ATRNL1: variants seen among roughly 807,000 people sequenced by gnomAD.
ATRNL1 encodes the protein attractin like 1.
ATRNL1 carries 95 observed loss-of-function variants against 182.7 expected under a neutral mutation model. The ratio of observed to expected loss-of-function variants is 0.52; its 90% CI spans 0.44 to 0.62. ATRNL1 has a LOEUF of 0.62. ATRNL1 is among the 20% of genes least tolerant of loss of function. The probability of loss-of-function intolerance (pLI) is 0.00; values close to 1 mark genes in which losing one functional copy is unlikely to be tolerated. For synonymous variants in ATRNL1, 576 were observed against 568.3 expected, an observed-to-expected ratio of 1.01 and a Z score of -0.19; for missense variants, 1,471 against 1,679.5, an observed-to-expected ratio of 0.88 and a Z score of 2.17.
chr10:115,769,279 A>G (rs1555075765), intron 27 of ATRNL1, among the ~76,000 whole-genome samples: 1 of 152,148 alleles, frequency 6.6e-6, no homozygotes, highest in African/African-American at 2.4e-5. Context: ...GCTCCCATAA[A>G]TTAGTCAAAG....
intron 25 of ATRNL1, among the ~76,000 whole-genome samples, chr10:115,528,467 A>G (rs782059856): frequency 1.3e-5 from 2 of 152,054 alleles, no homozygotes; most frequent in Non-Finnish European, 2.9e-5. Flanking sequence ...ATTGGCAGTA[A>G]TGACCCGACT....
At chr10:115,774,668 A>G (rs1949077994) in intron 27 of ATRNL1, among the ~76,000 whole-genome samples, 1 of 152,218 alleles carries the variant, frequency 6.6e-6, no homozygotes, top group Non-Finnish European at 1.5e-5. Context: ...AGTACCGTCC[A>G]ACAATAAGAT....
Position 115,945,747 on chromosome 10 carries a change from T to C in ATRNL1, c.*968T>C, listed in dbSNP as rs1448699735. On this transcript the variant is annotated 3_prime_UTR_variant, in exon 29 of 29. Transcript: ENST00000355044. The stretch of plus-strand genomic sequence containing the variant: ...CCTTTTACAAATGTTACAAAATGTA[T>C]TTTAGAGGCGACATCTCTCAAGATG... 6.6e-6 allele frequency: 1 copy of C among 152,164 alleles called. No homozygotes were observed. Among genetic ancestry groups the C allele is most frequent in the African/African-American group, 2.4e-5 (1 of 41,432 alleles). 9.4% of individuals were successfully genotyped at this position (152,164 alleles called of 1,614,324 possible).
intron 27 of ATRNL1, among the ~76,000 whole-genome samples, chr10:115,763,367 C>G (rs1479153103): frequency 6.6e-6 from 1 of 151,994 alleles, no homozygotes; most frequent in African/African-American, 2.4e-5. Context: ...GAGAAATGTA[C>G]GTATTCTCTG....
chr10:115,422,654 C>G (rs1334978139), intron 20 of ATRNL1, among the ~76,000 whole-genome samples: 1 of 152,152 alleles, frequency 6.6e-6, no homozygotes, highest in South Asian at 2.1e-4. Context: ...AGCAGAGTTA[C>G]CATTTGACCC....
At chr10:115,465,130 T>TGC (rs1847992719) in intron 22 of ATRNL1, among the ~76,000 whole-genome samples, 1 of 151,720 alleles carries the variant, frequency 6.6e-6, no homozygotes, top group African/African-American at 2.4e-5. Flanking sequence ...AATCAGTCTG[T>TGC]ACATTAAAGA....
chr10:115,293,872 C>G (rs1554921736), intron 15 of ATRNL1, among the ~76,000 whole-genome samples: 1 of 152,030 alleles, frequency 6.6e-6, no homozygotes, highest in Non-Finnish European at 1.5e-5. Context: ...TTATGCTTTT[C>G]TGTTGCTGCT....
At chr10:115,696,065 A>T (rs1035422157) in intron 26 of ATRNL1, among the ~76,000 whole-genome samples, 4 of 151,886 alleles carry the variant, frequency 2.6e-5, no homozygotes, top group African/African-American at 9.7e-5. Context: ...CACCCGGCTA[A>T]TTTTTTGTAT....
intron 21 of ATRNL1, among the ~76,000 whole-genome samples, chr10:115,427,613 G>T (rs1038162010): frequency 6.6e-6 from 1 of 152,042 alleles, no homozygotes; most frequent in Admixed American, 6.6e-5. Flanking sequence ...TATATAGTAG[G>T]TGATGGATTG....
chr10:115,339,734 C>T (rs1350408154), intron 19 of ATRNL1, among the ~76,000 whole-genome samples: 4 of 152,110 alleles, frequency 2.6e-5, no homozygotes, highest in African/African-American at 7.2e-5. Context: ...ACGTTCAGGA[C>T]TGTGTTCAAT....
Position 115,266,862 on chromosome 10 carries a change from C to T in ATRNL1, c.1838C>T (p.Pro613Leu), listed in dbSNP as rs142789674. The change falls in exon 12 of 29, where the codon CCA (proline) becomes CTA (leucine). Residue 613 changes from proline to leucine, a missense_variant. Physicochemically the swap from Pro to Leu is moderately conservative, Grantham distance 98 (BLOSUM62 -3). Coordinates refer to ENST00000355044, the MANE Select transcript of ATRNL1 (RefSeq NM_207303.4). ...AATGATATCCTTGTATACAAGCCTCCAAATTGCAAGGCTTTCAGAGATGAA... is the reference window on the plus strand; with the variant it reads ...AATGATATCCTTGTATACAAGCCTCTAAATTGCAAGGCTTTCAGAGATGAA... ...LLNDILVYKP[P>L]NCKAFRDEEL... The T allele has an allele frequency of 3.3e-4, 527 of 1,611,898 alleles. 2 individuals carry two copies. The highest frequency in any genetic ancestry group is 4.3e-4 in the Non-Finnish European group (504 of 1,178,632).
intron 21 of ATRNL1, among the ~76,000 whole-genome samples, chr10:115,443,994 C>G (rs1407117422): frequency 6.6e-6 from 1 of 151,944 alleles, no homozygotes; most frequent in African/African-American, 2.4e-5. Flanking sequence ...ATTAAACATA[C>G]CTCTTTAGAG....
At chr10:115,941,829 A>C (rs556774252) in intron 28 of ATRNL1, among the ~76,000 whole-genome samples, 1 of 152,360 alleles carries the variant, frequency 6.6e-6, no homozygotes, top group South Asian at 2.1e-4. Flanking sequence ...TCCATTAATT[A>C]AACAAATAAT....
At chr10:115,532,927 C>A (rs1321678481) in intron 25 of ATRNL1, among the ~76,000 whole-genome samples, 1 of 149,768 alleles carries the variant, frequency 6.7e-6, no homozygotes, top group Admixed American at 6.7e-5. Context: ...TATTGATTTG[C>A]GTATATTGAA....
chr10:115,657,338 T>C (rs782198652), intron 26 of ATRNL1, among the ~76,000 whole-genome samples: 4 of 152,156 alleles, frequency 2.6e-5, no homozygotes, highest in Non-Finnish European at 4.4e-5. Context: ...CTTGTTGTTT[T>C]GGTGACTCAT....
chr10:115,933,361 G>A (rs1377012956), intron 28 of ATRNL1, among the ~76,000 whole-genome samples: 3 of 152,200 alleles, frequency 2.0e-5, no homozygotes, highest in Non-Finnish European at 2.9e-5. Context: ...TCTCACTCTT[G>A]TAGAAGCATG....
chr10:115,517,415 CTA>C (rs1290268987), intron 24 of ATRNL1, among the ~76,000 whole-genome samples: 1 of 151,774 alleles, frequency 6.6e-6, no homozygotes, highest in Admixed American at 6.6e-5. Context: ...TGTCACTGTT[CTA>C]TATGTGTTTT....
intron 28 of ATRNL1, among the ~76,000 whole-genome samples, chr10:115,901,175 A>C (rs1952340846): frequency 6.6e-6 from 1 of 152,194 alleles, no homozygotes; most frequent in Admixed American, 6.5e-5. Flanking sequence ...CTACTATGTA[A>C]AAATTTTATG....
At chr10:115,170,534 TA>T (rs1173870311) in intron 7 of ATRNL1, among the ~76,000 whole-genome samples, 1 of 149,202 alleles carries the variant, frequency 6.7e-6, no homozygotes, top group African/African-American at 2.6e-5. Flanking sequence ...ATGAAAACAG[TA>T]AATAACTGAG....
Sources: gnomAD v4.1 joint callset for allele counts (sites outside exome capture counted in the v4.1 genomes callset) on GRCh38, gnomAD v4.1.1 for gene constraint, MANE v1.5 for transcripts, NCBI Gene and HGNC (gene_info 2026-07-23, HGNC 2026-07-21) for gene names.